Variants in CHRM5 observed in about 807,000 individuals in gnomAD.
CHRM5 encodes cholinergic receptor muscarinic 5, also known as muscarinic acetylcholine receptor M5.
CHRM5 carries 18 observed loss-of-function variants against 39.0 expected under a neutral mutation model. That is an observed-to-expected ratio of 0.46 (90% CI 0.32 to 0.68). CHRM5 has a LOEUF of 0.68. Among genes scored for constraint, CHRM5 ranks in the 30% least tolerant of loss-of-function variants. CHRM5 has a pLI of 0.04. For missense variants in CHRM5, 515 were observed against 651.1 expected, an observed-to-expected ratio of 0.79 and a Z score of 2.28; for synonymous variants, 241 against 246.3, an observed-to-expected ratio of 0.98 and a Z score of 0.20.
chr15:34,030,446 T>C (rs1040109444), intron 1 of CHRM5, among the ~76,000 whole-genome samples: 3 of 151,722 alleles, frequency 2.0e-5, no homozygotes, highest in Non-Finnish European at 4.4e-5. Context: ...CCCAGGTTCA[T>C]GCCATTCTCC....
chr15:34,039,295 T>G (rs1393658628), intron 1 of CHRM5: 2 of 142,606 alleles, frequency 1.4e-5, no homozygotes, highest in African/African-American at 3.1e-5. Context: ...CTGGAAGTGG[T>G]GGGGGTCTGC....
intron 1 of CHRM5, chr15:34,038,762 C>G (rs1368505531): frequency 2.9e-5 from 34 of 1,163,648 alleles, no homozygotes; most frequent in Middle Eastern, 3.5e-4. Flanking sequence ...CCCAGCCCCA[C>G]CAGCCGTCGC....
At chr15:34,007,912 T>C (rs747414295) in intron 1 of CHRM5, among the ~76,000 whole-genome samples, 19 of 152,196 alleles carry the variant, frequency 1.2e-4, no homozygotes, top group Non-Finnish European at 2.4e-4. Context: ...TTTTCTCCTC[T>C]ATGGGTGTGC....
At chr15:34,007,529 T>G (rs1897409231) in intron 1 of CHRM5, among the ~76,000 whole-genome samples, 1 of 152,196 alleles carries the variant, frequency 6.6e-6, no homozygotes, top group South Asian at 2.1e-4. Context: ...AATGTCCATA[T>G]TTCTACCAAC....
rs528117486 is a variant in CHRM5 at position 34,028,087 on chromosome 15, C to G, written c.-407-18453C>G. On this transcript the variant is annotated intron_variant, in intron 1 of 2. Coordinates refer to ENST00000383263, the MANE Select transcript of CHRM5 (RefSeq NM_012125.4). ...AGAGCACTGAAAGCATAAGCATACC[C>G]CACACACAGAGAGACCCCCCCTCAG... Among the ~76,000 whole-genome samples, 151 of 152,224 alleles carry G rather than the reference C, an allele frequency of 9.9e-4. 1 individual carries two copies. In the Middle Eastern group the frequency reaches 0.024, roughly 24 times the overall value.
rs557947897 is a variant in CHRM5, at chr15:34,044,453, T to G, written c.-407-2087T>G. ...CTACCCTTAGGAATTTAAAGATATA[T>G]ATAATCCTTGCCCTAGGTTTGTGGG... On this transcript the variant is annotated intron_variant, in intron 1 of 2. Coordinates refer to ENST00000383263, the MANE Select transcript of CHRM5 (RefSeq NM_012125.4). Among the ~76,000 whole-genome samples the G allele has an allele frequency of 2.0e-5, 3 of 152,336 alleles. No individual in the cohort carries two copies. The South Asian group carries it at 6.2e-4, about 32-fold the overall frequency.
At chr15:33,970,405 A>T (rs942375570) in intron 1 of CHRM5, among the ~76,000 whole-genome samples, 1 of 152,006 alleles carries the variant, frequency 6.6e-6, no homozygotes, top group Non-Finnish European at 1.5e-5. Context: ...ACAAGTAGTG[A>T]TTATCTAATA....
chr15:34,051,377 T>C (rs943161441), intron 2 of CHRM5, among the ~76,000 whole-genome samples: 1 of 152,130 alleles, frequency 6.6e-6, no homozygotes, highest in South Asian at 2.1e-4. Flanking sequence ...TAAATGCTTA[T>C]ATCAAAAAGC....
intron 1 of CHRM5, among the ~76,000 whole-genome samples, chr15:34,032,467 A>G (rs1898900521): frequency 6.6e-6 from 1 of 152,220 alleles, no homozygotes. Context: ...AGAGAGTAAC[A>G]CTATTAAGAA....
At chr15:33,987,995 A>G (rs1896550994) in intron 1 of CHRM5, among the ~76,000 whole-genome samples, 1 of 152,202 alleles carries the variant, frequency 6.6e-6, no homozygotes, top group Non-Finnish European at 1.5e-5. Context: ...CCACCTGACC[A>G]ACTTCCATAG....
intron 1 of CHRM5, among the ~76,000 whole-genome samples, chr15:34,013,801 G>T (rs761882060): frequency 2.0e-5 from 3 of 152,204 alleles, no homozygotes; most frequent in Non-Finnish European, 4.4e-5. Context: ...GGAAGCAGGA[G>T]GATGACATCA....
chr15:33,989,893 T>C (rs556050273), intron 1 of CHRM5, among the ~76,000 whole-genome samples: 1 of 150,030 alleles, frequency 6.7e-6, no homozygotes, highest in South Asian at 2.1e-4. Context: ...ACGGATACAC[T>C]AGATGCTATT....
chr15:34,063,901 A>G lies in CHRM5; in HGVS notation c.1184A>G (p.Asn395Ser), dbSNP rs1479606240. The part of the protein sequence containing the change: ...VKADGNQETN[N>S]GCHKVKIMPC... The stretch of plus-strand genomic sequence containing the variant: ...GCTGACGGGAACCAGGAGACCAACA[A>G]TGGCTGTCACAAGGTGAAAATCATG... Residue 395 changes from asparagine to serine, a missense_variant, in exon 3 of 3, where the codon AAT becomes AGT. Transcript: ENST00000383263. The surrounding 1 kb of genome is among the most constrained non-coding windows in gnomAD (Gnocchi z 4.1). The G allele has an allele frequency of 1.2e-6, 2 of 1,614,212 alleles. No individual in the cohort carries two copies. The highest frequency in any genetic ancestry group is 1.7e-6 in the Non-Finnish European group (2 of 1,180,036).
chr15:34,014,606 C>A (rs1897802434), intron 1 of CHRM5, among the ~76,000 whole-genome samples: 1 of 152,152 alleles, frequency 6.6e-6, no homozygotes, highest in South Asian at 2.1e-4. Context: ...AGGTAGGTAC[C>A]AGTGTCTGTG....
intron 1 of CHRM5, among the ~76,000 whole-genome samples, chr15:34,036,084 C>T (rs931520513): frequency 2.0e-5 from 3 of 151,446 alleles, no homozygotes; most frequent in African/African-American, 7.2e-5. Context: ...GCGCGAGCCA[C>T]CACACCCAGC....
intron 1 of CHRM5, among the ~76,000 whole-genome samples, chr15:34,034,939 C>T (rs1899048245): frequency 1.3e-5 from 2 of 152,212 alleles, no homozygotes; most frequent in African/African-American, 4.8e-5. Context: ...GAGCTTTTAA[C>T]AGGCTCTCAG....
intron 2 of CHRM5, among the ~76,000 whole-genome samples, chr15:34,055,602 C>A (rs893339512): frequency 6.6e-6 from 1 of 151,828 alleles, no homozygotes; most frequent in Admixed American, 6.6e-5. Context: ...GAGATCAAGA[C>A]CATCCTGGCT....
At chr15:34,007,800 CT>C (rs1446431920) in intron 1 of CHRM5, among the ~76,000 whole-genome samples, 3 of 152,174 alleles carry the variant, frequency 2.0e-5, no homozygotes, top group Admixed American at 6.5e-5. Context: ...AGGGTTGGCT[CT>C]TTCTGGAAGT....
intron 1 of CHRM5, among the ~76,000 whole-genome samples, chr15:33,990,204 A>C (rs1896660203): frequency 6.7e-6 from 1 of 149,858 alleles, no homozygotes; most frequent in African/African-American, 2.5e-5. Flanking sequence ...ACTCCGTCTC[A>C]AAAAAAAACA....
Sources: gnomAD v4.1 joint callset for allele counts (sites outside exome capture counted in the v4.1 genomes callset) on GRCh38, gnomAD v4.1.1 for gene constraint, Gnocchi (gnomAD v3.1) non-coding constraint, MANE v1.5 for transcripts, NCBI Gene and HGNC (gene_info 2026-07-23, HGNC 2026-07-21) for gene names.